PARD3B: variants seen among roughly 807,000 people sequenced by gnomAD.
PARD3B encodes par-3 family cell polarity regulator beta.
Under a neutral mutation model 130.2 loss-of-function variants are expected in PARD3B, and 103 were observed. The ratio of observed to expected loss-of-function variants is 0.79; its 90% CI spans 0.67 to 0.93. The LOEUF is 0.93. PARD3B is among the 40% of genes least tolerant of loss of function. The probability of loss-of-function intolerance (pLI) is 0.00; values close to 1 mark genes in which losing one functional copy is unlikely to be tolerated. For synonymous variants in PARD3B, 583 were observed against 553.2 expected (o/e 1.05, Z -0.76); for missense variants, 1,609 against 1,499.2 (o/e 1.07, Z -1.21).
intron 18 of PARD3B, among the ~76,000 whole-genome samples, chr2:205,310,933 A>G (rs2042366105): frequency 6.6e-6 from 1 of 151,916 alleles, no homozygotes; most frequent in Admixed American, 6.6e-5. Context: ...CATGTTTGTC[A>G]GGCTGGTTTC....
chr2:204,793,362 CAT>C lies in PARD3B; in HGVS notation c.222+107081_222+107082del, dbSNP rs1491457834. Among the ~76,000 whole-genome samples the C allele has an allele frequency of 2.6e-5, 4 of 152,076 alleles. No homozygotes were observed. In the East Asian group the frequency reaches 7.7e-4, roughly 29 times the overall value. ...TTAACAGATTATTTAATTAGTTATA[CAT>C]GTTTTGTTTTGTTTTGTTTTTCAGT... On this transcript the variant is annotated intron_variant, in intron 2 of 22. Transcript: ENST00000406610.
chr2:205,235,047 A>G (rs1020217721), intron 15 of PARD3B, among the ~76,000 whole-genome samples: 3 of 152,218 alleles, frequency 2.0e-5, no homozygotes, highest in African/African-American at 7.2e-5. Context: ...GTGAGATGTC[A>G]CTAAGAGGAT....
At chr2:204,778,273 C>T (rs2041711733) in intron 2 of PARD3B, among the ~76,000 whole-genome samples, 1 of 151,576 alleles carries the variant, frequency 6.6e-6, no homozygotes, top group Admixed American at 6.6e-5. Flanking sequence ...GTCATTTAGT[C>T]TGCTGATAAT....
chr2:204,635,598 G>C (rs745771585), intron 1 of PARD3B, among the ~76,000 whole-genome samples: 2 of 152,130 alleles, frequency 1.3e-5, no homozygotes, highest in Admixed American at 6.6e-5. Context: ...TTGACAGGAA[G>C]CTTCAAATTA....
chr2:205,598,669 T>C (rs1038360556), intron 22 of PARD3B, among the ~76,000 whole-genome samples: 2 of 152,184 alleles, frequency 1.3e-5, no homozygotes, highest in Non-Finnish European at 2.9e-5. Flanking sequence ...ATATGCATTC[T>C]TCTCATCTGC....
At chr2:204,908,877 G>A (rs1688491799) in intron 2 of PARD3B, among the ~76,000 whole-genome samples, 1 of 152,122 alleles carries the variant, frequency 6.6e-6, no homozygotes, top group Non-Finnish European at 1.5e-5. Context: ...CATAAATATA[G>A]TGAATTTGAC....
chr2:204,831,418 G>C (rs955046176), intron 2 of PARD3B, among the ~76,000 whole-genome samples: 2 of 152,158 alleles, frequency 1.3e-5, no homozygotes, highest in African/African-American at 4.8e-5. Context: ...GTCTTAATTA[G>C]AAGCCACCAT....
intron 1 of PARD3B, among the ~76,000 whole-genome samples, chr2:204,627,315 A>G (rs989773151): frequency 1.3e-5 from 2 of 152,198 alleles, no homozygotes; most frequent in African/African-American, 4.8e-5. Flanking sequence ...GATTCATTCT[A>G]AAGTAAATTG....
intron 4 of PARD3B, among the ~76,000 whole-genome samples, chr2:205,062,840 A>T (rs924988635): frequency 3.3e-5 from 5 of 152,134 alleles, no homozygotes; most frequent in African/African-American, 7.2e-5. Flanking sequence ...TTTATATCTT[A>T]TATCTATGTC....
intron 10 of PARD3B, among the ~76,000 whole-genome samples, chr2:205,152,486 C>G (rs2033825759): frequency 6.6e-6 from 1 of 152,144 alleles, no homozygotes; most frequent in Non-Finnish European, 1.5e-5. Context: ...CTAAACTTCT[C>G]GCTTCATTTC....
intron 4 of PARD3B, among the ~76,000 whole-genome samples, chr2:205,054,290 T>C (rs1359647049): frequency 1.3e-5 from 2 of 150,592 alleles, no homozygotes; most frequent in Non-Finnish European, 3.0e-5. Context: ...CCTATTTAGG[T>C]GTGTGCTCCC....
intron 16 of PARD3B, chr2:205,293,492 C>G (rs2041683658): frequency 6.6e-6 from 1 of 152,138 alleles, no homozygotes; most frequent in Non-Finnish European, 1.5e-5. Flanking sequence ...TAAAGGTGTT[C>G]TTGGCAGTAG....
chr2:204,831,559 C>G (rs567740563), intron 2 of PARD3B, among the ~76,000 whole-genome samples: 2 of 152,270 alleles, frequency 1.3e-5, no homozygotes, highest in African/African-American at 2.4e-5. Context: ...TCCTAAGATA[C>G]ATGAGAACTG....
At chr2:205,482,696 CT>C (rs1484461186) in intron 20 of PARD3B, 2 of 152,130 alleles carry the variant, frequency 1.3e-5, no homozygotes, top group East Asian at 3.9e-4. Context: ...AAAAACCAGC[CT>C]CTGGCACCAC....
At chr2:204,881,385 G>A (rs1012749478) in intron 2 of PARD3B, among the ~76,000 whole-genome samples, 7 of 152,098 alleles carry the variant, frequency 4.6e-5, no homozygotes, top group African/African-American at 1.7e-4. Flanking sequence ...TTAATTGAAA[G>A]CTCTTTCTTC....
intron 10 of PARD3B, among the ~76,000 whole-genome samples, chr2:205,148,269 T>C (rs1011186564): frequency 1.3e-5 from 2 of 152,146 alleles, no homozygotes; most frequent in African/African-American, 2.4e-5. Context: ...AAGGGAAATG[T>C]CCTTTACTAT....
intron 18 of PARD3B, among the ~76,000 whole-genome samples, chr2:205,381,070 T>A (rs1310290022): frequency 0.025 from 801 of 32,432 alleles, 59 homozygotes; most frequent in African/African-American, 0.1. Context: ...GAATATATAT[T>A]ATATATATTA....
chr2:204,904,802 G>A (rs1459035013), intron 2 of PARD3B, among the ~76,000 whole-genome samples: 1 of 152,058 alleles, frequency 6.6e-6, no homozygotes, highest in Non-Finnish European at 1.5e-5. Context: ...TGTCGTGATA[G>A]TTTATGTTTC....
intron 21 of PARD3B, among the ~76,000 whole-genome samples, chr2:205,548,105 C>T (rs1244121263): frequency 3.9e-5 from 6 of 152,096 alleles, no homozygotes; most frequent in Non-Finnish European, 5.9e-5. Flanking sequence ...AGACTTCCTC[C>T]TGGGTTCAGT....
Sources: gnomAD v4.1 joint callset for allele counts (sites outside exome capture counted in the v4.1 genomes callset) on GRCh38, gnomAD v4.1.1 for gene constraint, MANE v1.5 for transcripts, NCBI Gene and HGNC (gene_info 2026-07-23, HGNC 2026-07-21) for gene names.